Variants in SPTBN4 observed in about 807,000 individuals in gnomAD.
SPTBN4 encodes the protein spectrin beta, non-erythrocytic 4, also known as spectrin beta chain, non-erythrocytic 4.
SPTBN4 carries 96 observed loss-of-function variants against 277.8 expected under a neutral mutation model. The observed-to-expected ratio is 0.35, with a 90% CI of 0.29 to 0.41. The LOEUF (loss-of-function observed/expected upper bound fraction) is 0.41. SPTBN4 is among the 10% of genes least tolerant of loss of function. The pLI is 1.00. For synonymous variants in SPTBN4, 1,481 were observed against 1,580.3 expected (o/e 0.94, Z 1.49); for missense variants, 3,006 against 3,595.7 (o/e 0.84, Z 4.19).
In SPTBN4 at chr19:40,487,855, G is replaced by C. The variant is rs756137661; in HGVS notation, c.321+7G>C. 6.3e-7 allele frequency: 1 copy of C among 1,593,012 alleles called. No homozygotes were observed. The highest frequency in any genetic ancestry group is 2.3e-5 in the East Asian group (1 of 44,238). On this transcript the variant is annotated splice_region_variant and intron_variant, in intron 3 of 35. Transcript: ENST00000598249. ...GCTGTCTGGGGAGCAGCTGGTGAGG[G>C]GGCCTGAAGGGCTGGGGCAGGGGTC...
chr19:40,505,728 AAG>A lies in SPTBN4; in HGVS notation c.1666-507_1666-506del, dbSNP rs1364376581. Among the ~76,000 whole-genome samples, 13 of 150,812 alleles carry A rather than the reference AAG, an allele frequency of 8.6e-5. No homozygotes were observed. In the East Asian group the frequency reaches 2.5e-3, roughly 29 times the overall value. ...GAAGGAAGGAAGGAAGGAAGGAAGGAAGGAAGGAAGGAAGGAAGGAAGGAAGA... is the reference window on the plus strand; with the variant it reads ...GAAGGAAGGAAGGAAGGAAGGAAGGAGAAGGAAGGAAGGAAGGAAGGAAGA... On this transcript the variant is annotated intron_variant, in intron 12 of 35. Coordinates refer to ENST00000598249, the MANE Select transcript of SPTBN4 (RefSeq NM_020971.3).
chr19:40,572,496 G>A, intron 35 of SPTBN4, 116 bp downstream of exon 35: 1 of 1,315,686 alleles, frequency 7.6e-7, no homozygotes, highest in Non-Finnish European at 1.1e-6. Context: ...AGAGTTATCA[G>A]GGCTGTAATG....
intron 20 of SPTBN4, among the ~76,000 whole-genome samples, chr19:40,536,517 G>A (rs1568821300): frequency 6.6e-6 from 1 of 152,134 alleles, no homozygotes; most frequent in Non-Finnish European, 1.5e-5. Flanking sequence ...CCCGGCCAAT[G>A]AGGTCACTAC....
intron 31 of SPTBN4, among the ~76,000 whole-genome samples, 197 bp from the exon 32 acceptor site, chr19:40,569,460 A>C (rs1599823608): frequency 6.6e-6 from 1 of 150,694 alleles, no homozygotes; most frequent in African/African-American, 2.4e-5. Flanking sequence ...AAGGGGCGAG[A>C]GGTTTGGTCT....
chr19:40,575,747 T>G lies in SPTBN4; in HGVS notation c.*178T>G, dbSNP rs2081196471. ...GCACCCCAAGAAGTGGTGGGGAGAT[T>G]GCTGCCCCTATAGCCATATCTCGGC... On this transcript the variant is annotated 3_prime_UTR_variant, in exon 36 of 36. Coordinates refer to ENST00000598249, the MANE Select transcript of SPTBN4 (RefSeq NM_020971.3). 1 of 753,410 alleles carries G rather than the reference T, an allele frequency of 1.3e-6. No homozygotes were observed. Among genetic ancestry groups the G allele is most frequent in the Admixed American group, 3.3e-5 (1 of 30,608 alleles). 46.7% of individuals were successfully genotyped at this position (753,410 alleles called of 1,614,324 possible).
rs775870887 is a variant in SPTBN4, at chr19:40,554,173, T to C, written c.4701T>C (p.His1567=). The C allele has an allele frequency of 2.1e-6, 3 of 1,447,862 alleles. No homozygotes were observed. The highest frequency in any genetic ancestry group is 1.5e-5 in the African/African-American group (1 of 66,966). The allele number at this position is 1,447,862 out of a possible 1,614,324, so 89.7% of individuals were successfully genotyped here. A position where few individuals can be genotyped will look rare whatever the true frequency, so the allele number is the denominator to read the frequency against. Residue 1567 remains histidine, a synonymous_variant, in exon 23 of 36, where the codon CAT becomes CAC. Coordinates refer to ENST00000598249, the MANE Select transcript of SPTBN4 (RefSeq NM_020971.3). This position sits in a 1 kb window ranked among gnomAD's most constrained non-coding sequence, Gnocchi z 5.7. ...NQGLRREIQA[H]GPRLEEVLER... is the part of the protein sequence containing the mutation. ...GCCTGCGGCGGGAGATCCAGGCGCATGGGCCGCGCCTGGAGGAGGTGCTGG... is the reference window on the plus strand; with the variant it reads ...GCCTGCGGCGGGAGATCCAGGCGCACGGGCCGCGCCTGGAGGAGGTGCTGG...
intron 2 of SPTBN4, among the ~76,000 whole-genome samples, chr19:40,478,381 T>G (rs1451563460): frequency 6.6e-6 from 1 of 151,988 alleles, no homozygotes; most frequent in Admixed American, 6.6e-5. Flanking sequence ...GCACAAAACT[T>G]TAAAAATTAA....
At chr19:40,557,514 CAGAA>C (rs1392155450) in intron 26 of SPTBN4, 111 bp downstream of exon 26, 6 of 1,324,818 alleles carry the variant, frequency 4.5e-6, no homozygotes, top group Non-Finnish European at 6.1e-6. Flanking sequence ...GTGGCACAGA[CAGAA>C]AGCGGACTAC....
At position 40,490,223 on chromosome 19, in the gene SPTBN4, T is replaced by A. The variant is rs1345951980; in HGVS notation, c.470T>A (p.Val157Asp). Reference sequence around the variant, plus strand: ...AATCACCGGCTGACGCTGGGGCTGGTCTGGACCATCATCCTGCGCTTCCAG... The same window carrying A: ...AATCACCGGCTGACGCTGGGGCTGGACTGGACCATCATCCTGCGCTTCCAG... ...DGNHRLTLGLVWTIILRFQIQ... is the reference protein window; with the variant it reads ...DGNHRLTLGLDWTIILRFQIQ... The change falls in exon 4 of 36, where the codon GTC (valine) becomes GAC (aspartate). Residue 157 changes from valine to aspartate, a missense_variant. Transcript: ENST00000598249. The surrounding 1 kb of genome is among the most constrained non-coding windows in gnomAD (Gnocchi z 4.3). 1 of 1,614,078 alleles carries A rather than the reference T, an allele frequency of 6.2e-7. No individual in the cohort carries two copies. The highest frequency in any genetic ancestry group is 8.5e-7 in the Non-Finnish European group (1 of 1,179,976).
At chr19:40,547,984 T>C (rs770905947) in intron 20 of SPTBN4, among the ~76,000 whole-genome samples, 7 of 152,222 alleles carry the variant, frequency 4.6e-5, no homozygotes, top group Non-Finnish European at 1.0e-4. Context: ...TCTGGAATTG[T>C]TTTCAGTACA....
At chr19:40,553,071 G>A (rs943266312) in intron 22 of SPTBN4, among the ~76,000 whole-genome samples, 1 of 152,200 alleles carries the variant, frequency 6.6e-6, no homozygotes, top group African/African-American at 2.4e-5. Flanking sequence ...CTGTAAAATG[G>A]AGATGGTAAT....
At chr19:40,526,919 C>T (rs1198408413) in intron 17 of SPTBN4, among the ~76,000 whole-genome samples, 2 of 152,172 alleles carry the variant, frequency 1.3e-5, no homozygotes, top group African/African-American at 4.8e-5. Context: ...CTCATGGAGA[C>T]TCAGGGTCTT....
intron 2 of SPTBN4, among the ~76,000 whole-genome samples, chr19:40,480,516 T>G (rs1251207973): frequency 6.6e-6 from 1 of 152,208 alleles, no homozygotes; most frequent in South Asian, 2.1e-4. Flanking sequence ...CTCTCTTAAC[T>G]TCTAACAGCT....
intron 19 of SPTBN4, among the ~76,000 whole-genome samples, chr19:40,533,440 G>T (rs2080700105): frequency 6.6e-6 from 1 of 152,036 alleles, no homozygotes; most frequent in South Asian, 2.1e-4. Context: ...GTAGATATTT[G>T]CTCTAAGCCT....
chr19:40,523,375 G>T (rs2080551089), intron 16 of SPTBN4, 62 bp from the exon 17 acceptor site: 9 of 1,496,412 alleles, frequency 6.0e-6, no homozygotes, highest in Non-Finnish European at 8.1e-6. Flanking sequence ...CAGGCTGGCA[G>T]CCTCTCCCAG....
chr19:40,477,047 T>A (rs1254509958), intron 2 of SPTBN4, among the ~76,000 whole-genome samples: 1 of 149,268 alleles, frequency 6.7e-6, no homozygotes, highest in African/African-American at 2.5e-5. Flanking sequence ...ATTATTATTA[T>A]TATCATTATC....
chr19:40,529,190 T>C lies in SPTBN4; in HGVS notation c.3948+59T>C, dbSNP rs2080631404. 3.9e-6 allele frequency: 6 copies of C among 1,521,088 alleles called. No homozygotes were observed. The South Asian group carries it at 4.5e-5, about 11-fold the overall frequency. 94.2% of individuals were successfully genotyped at this position (1,521,088 alleles called of 1,614,324 possible). A position where few individuals can be genotyped will look rare whatever the true frequency, so the allele number is the denominator to read the frequency against. ...TCCCCTTTAGTCGGGAGGGAAGTGC[T>C]TCTCGGCCGAGGTGGGGGTGGGGAC... On this transcript the variant is annotated intron_variant, in intron 18 of 35. Transcript: ENST00000598249.
chr19:40,501,967 G>C lies in SPTBN4; in HGVS notation c.831G>C (p.Val277=), dbSNP rs756943693. 1.9e-6 allele frequency: 3 copies of C among 1,614,178 alleles called. No individual in the cohort carries two copies. The highest frequency in any genetic ancestry group is 1.7e-6 in the Non-Finnish European group (2 of 1,180,038). The part of the protein sequence containing the change: ...APDEKSIITY[V]VSFYHYFSKM... ...ATGAGAAGTCCATCATCACCTACGT[G>C]GTCTCTTTCTACCACTATTTCTCCA... The change falls in exon 8 of 36, where the codon GTG becomes GTC. Residue 277 remains valine, a synonymous_variant. Transcript: ENST00000598249.
rs35237688 is a variant in SPTBN4, at chr19:40,491,713, CAA to C, written c.496-1226_496-1225del. On this transcript the variant is annotated intron_variant, in intron 4 of 35. Coordinates refer to ENST00000598249, the MANE Select transcript of SPTBN4 (RefSeq NM_020971.3). ...TGGGTAATAGATAGAGACTCTGTCT[CAA>C]AAAAAAAAAAAAAAAAAAAAAAAGT... Among the ~76,000 whole-genome samples, 20 of 38,796 alleles carry C rather than the reference CAA, an allele frequency of 5.2e-4. No individual in the cohort carries two copies. In the East Asian group the frequency reaches 5.3e-3, roughly 10 times the overall value. The allele number at this position is 38,796 out of a possible 152,430, so 25.5% of individuals were successfully genotyped here.
Sources: allele counts gnomAD v4.1 joint callset (sites outside exome capture counted in the v4.1 genomes callset), GRCh38; gene constraint gnomAD v4.1.1; non-coding constraint Gnocchi (gnomAD v3.1); transcripts MANE v1.5; gene names NCBI Gene and HGNC (gene_info 2026-07-23, HGNC 2026-07-21).